Variants in L3MBTL4 observed in about 807,000 individuals in gnomAD.
L3MBTL4 encodes L3MBTL histone methyl-lysine binding protein 4.
A neutral mutation model predicts 84.5 loss-of-function variants in L3MBTL4; 70 were observed. That is an observed-to-expected ratio of 0.83 (90% confidence interval 0.68 to 1.01). L3MBTL4 has a LOEUF of 1.01. L3MBTL4 is among the 50% of genes least tolerant of loss of function. The pLI is 0.00. For missense variants in L3MBTL4, 715 were observed against 754.8 expected, an observed-to-expected ratio of 0.95 and a Z score of 0.62; for synonymous variants, 274 against 259.8, an observed-to-expected ratio of 1.05 and a Z score of -0.52.
chr18:6,230,149 G>T (rs1369780830), intron 10 of L3MBTL4, among the ~76,000 whole-genome samples: 1 of 152,050 alleles, frequency 6.6e-6, no homozygotes, highest in Non-Finnish European at 1.5e-5. Flanking sequence ...TGTCACAGGG[G>T]CCTGGTGTAA....
intron 10 of L3MBTL4, among the ~76,000 whole-genome samples, chr18:6,217,309 T>C (rs2046367074): frequency 6.6e-6 from 1 of 152,116 alleles, no homozygotes; most frequent in Non-Finnish European, 1.5e-5. Flanking sequence ...CAAAGAGAAA[T>C]CCCTACCCTC....
At chr18:6,228,876 A>G (rs1865723414) in intron 10 of L3MBTL4, among the ~76,000 whole-genome samples, 1 of 152,150 alleles carries the variant, frequency 6.6e-6, no homozygotes. Context: ...ACAAAGCAAT[A>G]TCTTCAAAGC....
At chr18:6,269,236 C>A (rs1025904331) in intron 4 of L3MBTL4, among the ~76,000 whole-genome samples, 1 of 151,884 alleles carries the variant, frequency 6.6e-6, no homozygotes, top group Admixed American at 6.6e-5. Context: ...CTGAGGCGGG[C>A]GGATCACGAG....
chr18:6,141,360 C>A (rs942780010), intron 13 of L3MBTL4, among the ~76,000 whole-genome samples: 1 of 152,120 alleles, frequency 6.6e-6, no homozygotes, highest in Non-Finnish European at 1.5e-5. Flanking sequence ...GCTTCATTTA[C>A]CAACTGCATG....
intron 12 of L3MBTL4, among the ~76,000 whole-genome samples, chr18:6,185,566 C>G (rs1441163550): frequency 6.6e-6 from 1 of 152,082 alleles, no homozygotes; most frequent in Non-Finnish European, 1.5e-5. Flanking sequence ...CTGGGTTCTC[C>G]CAGTCCCACC....
chr18:6,029,831 G>A (rs2145589514), intron 16 of L3MBTL4: 3 of 985,410 alleles, frequency 3.0e-6, no homozygotes, highest in Non-Finnish European at 2.4e-6. Flanking sequence ...GGTAGCTGAG[G>A]AAATGCCGAA....
intron 14 of L3MBTL4, among the ~76,000 whole-genome samples, chr18:6,094,077 C>T (rs185473127): frequency 3.3e-5 from 5 of 152,294 alleles, no homozygotes; most frequent in South Asian, 2.1e-4. Flanking sequence ...AGGAGAGGCC[C>T]AAGCCCAGGT....
chr18:6,011,733 A>G (rs1442950673), intron 16 of L3MBTL4, among the ~76,000 whole-genome samples: 3 of 152,218 alleles, frequency 2.0e-5, no homozygotes, highest in Non-Finnish European at 2.9e-5. Context: ...GACCAGCTCA[A>G]AGGAAACACG....
At chr18:6,070,076 A>T (rs1434826548) in intron 16 of L3MBTL4, among the ~76,000 whole-genome samples, 1 of 152,164 alleles carries the variant, frequency 6.6e-6, no homozygotes, top group African/African-American at 2.4e-5. Flanking sequence ...TAACTAAGAA[A>T]GTCTAATATA....
intron 16 of L3MBTL4, chr18:6,046,874 A>G: frequency 1.6e-6 from 1 of 610,008 alleles, no homozygotes; most frequent in Non-Finnish European, 3.0e-6. Flanking sequence ...TAACCCCAAA[A>G]CTAGCAGAAG....
chr18:6,300,685 C>A (rs1186958797), intron 4 of L3MBTL4, among the ~76,000 whole-genome samples: 1 of 152,102 alleles, frequency 6.6e-6, no homozygotes, highest in African/African-American at 2.4e-5. Flanking sequence ...AATGTTTCGA[C>A]CACAGAATAA....
chr18:6,301,328 C>T (rs1273617656), intron 4 of L3MBTL4, among the ~76,000 whole-genome samples: 1 of 152,140 alleles, frequency 6.6e-6, no homozygotes, highest in Non-Finnish European at 1.5e-5. Context: ...ACAGCTGTCT[C>T]CTTGTGTAGC....
intron 1 of L3MBTL4, among the ~76,000 whole-genome samples, chr18:6,360,360 G>T (rs1447671776): frequency 6.6e-6 from 1 of 152,174 alleles, no homozygotes; most frequent in African/African-American, 2.4e-5. Context: ...GAAAGAGTAA[G>T]ACCCTGTCTC....
intron 10 of L3MBTL4, among the ~76,000 whole-genome samples, chr18:6,225,647 C>A (rs1298787423): frequency 6.6e-6 from 1 of 151,648 alleles, no homozygotes; most frequent in African/African-American, 2.4e-5. Context: ...GTAGTCCCAG[C>A]TACTCAGGAG....
rs144889042 is a variant in L3MBTL4 at position 5,955,840 on chromosome 18, A to T, written c.*380T>A. 1 of 166,872 alleles carries T rather than the reference A, an allele frequency of 6.0e-6. No individual in the cohort carries two copies. The highest frequency in any genetic ancestry group is 1.3e-5 in the Non-Finnish European group (1 of 78,004). 10.3% of individuals were successfully genotyped at this position (166,872 alleles called of 1,614,324 possible). Reference sequence around the variant, plus strand: ...AAACATTAACGATGTATTCATGAACACTGCTTTTCTAATATTTCACCACTT... The same window carrying T: ...AAACATTAACGATGTATTCATGAACTCTGCTTTTCTAATATTTCACCACTT... On this transcript the variant is annotated 3_prime_UTR_variant, in exon 19 of 19. Transcript: ENST00000317931.
At chr18:5,990,214 T>C (rs1380757246) in intron 16 of L3MBTL4, among the ~76,000 whole-genome samples, 1 of 152,210 alleles carries the variant, frequency 6.6e-6, no homozygotes, top group African/African-American at 2.4e-5. Flanking sequence ...TTACGTGTAT[T>C]GCTGGACTAT....
intron 1 of L3MBTL4, among the ~76,000 whole-genome samples, chr18:6,413,427 GA>G (rs1008094939): frequency 6.6e-6 from 1 of 151,766 alleles, no homozygotes; most frequent in Non-Finnish European, 1.5e-5. Flanking sequence ...GATACTCCAA[GA>G]AAAAAACCTC....
intron 4 of L3MBTL4, among the ~76,000 whole-genome samples, chr18:6,278,094 A>C (rs2049166911): frequency 6.6e-6 from 1 of 152,044 alleles, no homozygotes; most frequent in African/African-American, 2.4e-5. Context: ...TGCTCATTTA[A>C]TTTTCTTGCT....
chr18:6,270,597 G>A (rs912582338), intron 4 of L3MBTL4, among the ~76,000 whole-genome samples: 3 of 152,208 alleles, frequency 2.0e-5, no homozygotes, highest in Admixed American at 1.3e-4. Context: ...CTCCCCGGAG[G>A]ACAATTCTCT....
Sources: allele counts gnomAD v4.1 joint callset (sites outside exome capture counted in the v4.1 genomes callset), GRCh38; gene constraint gnomAD v4.1.1; transcripts MANE v1.5; gene names NCBI Gene and HGNC (gene_info 2026-07-23, HGNC 2026-07-21).